Variants in KCNIP4 observed in about 807,000 individuals in gnomAD.
KCNIP4 encodes the protein Kv channel-interacting protein 4.
A neutral mutation model predicts 34.0 loss-of-function variants in KCNIP4; 12 were observed. That is an observed-to-expected ratio of 0.35 (90% confidence interval 0.23 to 0.57). KCNIP4 has a LOEUF of 0.57. Ranked by LOEUF, KCNIP4 falls within the 20% of genes least tolerant of loss-of-function variation. The pLI, the probability that KCNIP4 is intolerant of heterozygous loss-of-function variation, is 0.83. For synonymous variants in KCNIP4, 124 were observed against 102.2 expected (o/e 1.21, Z -1.29); for missense variants, 238 against 311.7 (o/e 0.76, Z 1.78).
At chr4:21,865,313 CA>C (rs796120723) in intron 1 of KCNIP4, among the ~76,000 whole-genome samples, 5,121 of 91,226 alleles carry the variant, frequency 0.056, 286 homozygotes, top group African/African-American at 0.17. Flanking sequence ...CACAAACAAA[CA>C]AAAAAAAAAA....
At chr4:20,731,332 C>G (rs1281754301) in intron 8 of KCNIP4, 1 of 932,434 alleles carries the variant, frequency 1.1e-6, no homozygotes, top group Non-Finnish European at 1.3e-6. Context: ...CCTCAGCCTC[C>G]CATAGTGCTG....
chr4:20,783,673 C>A (rs1242582584), intron 3 of KCNIP4, among the ~76,000 whole-genome samples: 1 of 152,136 alleles, frequency 6.6e-6, no homozygotes, highest in African/African-American at 2.4e-5. Flanking sequence ...TGGGTGGAGA[C>A]ACAGAGCCAT....
At chr4:21,363,600 C>T (rs1719441850) in intron 1 of KCNIP4, among the ~76,000 whole-genome samples, 2 of 152,118 alleles carry the variant, frequency 1.3e-5, no homozygotes. Context: ...TTCAAATTCT[C>T]AGTGGCAAGC....
In KCNIP4 at chr4:21,667,835, T is replaced by C. The variant is rs142351585; in HGVS notation, c.61+280736A>G. On this transcript the variant is annotated intron_variant, in intron 1 of 8. Coordinates refer to ENST00000382152, the MANE Select transcript of KCNIP4 (RefSeq NM_025221.6). ...GGACATTGATGGAAGAAAAGGAAGT[T>C]CTACGGTGGGACAGGCGGTGCAGCA... Among the ~76,000 whole-genome samples, 658 of 152,336 alleles carry C rather than the reference T, an allele frequency of 4.3e-3. 3 individuals are homozygous for C. The highest frequency in any genetic ancestry group is 0.014 in the African/African-American group (570 of 41,578).
At chr4:21,344,555 A>AT (rs1257885870) in intron 1 of KCNIP4, among the ~76,000 whole-genome samples, 1 of 152,134 alleles carries the variant, frequency 6.6e-6, no homozygotes, top group Non-Finnish European at 1.5e-5. Flanking sequence ...AAAAAATGGA[A>AT]TTTATTGTAT....
chr4:20,892,534 C>A (rs1045327712), intron 1 of KCNIP4, among the ~76,000 whole-genome samples: 2 of 152,220 alleles, frequency 1.3e-5, no homozygotes, highest in South Asian at 4.1e-4. Flanking sequence ...TTGTGTCTCT[C>A]CTTTATCTTT....
At chr4:20,758,028 C>A (rs1201355615) in intron 4 of KCNIP4, among the ~76,000 whole-genome samples, 2 of 152,144 alleles carry the variant, frequency 1.3e-5, no homozygotes, top group Admixed American at 1.3e-4. Context: ...GTATAACATT[C>A]TTTTGGGCAG....
At chr4:21,829,435 T>C (rs2109303099) in intron 1 of KCNIP4, among the ~76,000 whole-genome samples, 1 of 152,114 alleles carries the variant, frequency 6.6e-6, no homozygotes, top group African/African-American at 2.4e-5. Context: ...AATGGTAAGG[T>C]ATAAGGGTAA....
chr4:20,863,387 G>A (rs2149497623), intron 2 of KCNIP4, among the ~76,000 whole-genome samples: 1 of 152,254 alleles, frequency 6.6e-6, no homozygotes, highest in Admixed American at 6.5e-5. Context: ...TGCAGGGTCT[G>A]CAAAATATCT....
At chr4:21,559,768 T>C (rs1739369107) in intron 1 of KCNIP4, among the ~76,000 whole-genome samples, 1 of 152,080 alleles carries the variant, frequency 6.6e-6, no homozygotes, top group South Asian at 2.1e-4. Flanking sequence ...GTATTATTAG[T>C]CGATGGTTCC....
intron 1 of KCNIP4, among the ~76,000 whole-genome samples, chr4:20,911,106 T>C (rs955512382): frequency 6.6e-6 from 1 of 152,176 alleles, no homozygotes; most frequent in Non-Finnish European, 1.5e-5. Flanking sequence ...GAAACAAATC[T>C]AGTTTGTTTT....
chr4:20,876,974 C>T (rs1282134461), intron 2 of KCNIP4, among the ~76,000 whole-genome samples: 1 of 152,190 alleles, frequency 6.6e-6, no homozygotes, highest in East Asian at 1.9e-4. Flanking sequence ...CAACACCTGG[C>T]TCCTAAGATC....
At chr4:21,836,234 A>T (rs145291432) in intron 1 of KCNIP4, among the ~76,000 whole-genome samples, 4 of 152,188 alleles carry the variant, frequency 2.6e-5, no homozygotes, top group African/African-American at 7.2e-5. Flanking sequence ...TTAAATTACA[A>T]AGAGAAATAA....
chr4:20,739,095 C>G (rs1750426610), intron 5 of KCNIP4, among the ~76,000 whole-genome samples: 1 of 152,210 alleles, frequency 6.6e-6, no homozygotes, highest in African/African-American at 2.4e-5. Flanking sequence ...GAAGCTCAAA[C>G]TAGGTGGAGC....
chr4:21,571,211 C>G (rs1381056277), intron 1 of KCNIP4, among the ~76,000 whole-genome samples: 1 of 152,114 alleles, frequency 6.6e-6, no homozygotes, highest in Non-Finnish European at 1.5e-5. Context: ...TCTGAGATGA[C>G]AGGCTGAGCA....
At chr4:21,156,957 C>T (rs1338025492) in intron 1 of KCNIP4, among the ~76,000 whole-genome samples, 1 of 151,922 alleles carries the variant, frequency 6.6e-6, no homozygotes, top group Non-Finnish European at 1.5e-5. Context: ...ATATTTTGTT[C>T]CAAGTTTAAC....
chr4:21,309,035 C>T (rs916336622), intron 1 of KCNIP4, among the ~76,000 whole-genome samples: 1 of 152,106 alleles, frequency 6.6e-6, no homozygotes, highest in African/African-American at 2.4e-5. Flanking sequence ...TCAAAATCAC[C>T]AGTTAACTCA....
At chr4:21,233,642 G>A (rs1758960635) in intron 1 of KCNIP4, among the ~76,000 whole-genome samples, 1 of 151,720 alleles carries the variant, frequency 6.6e-6, no homozygotes, top group African/African-American at 2.4e-5. Flanking sequence ...TTCTTTCTCA[G>A]TCTGTTCATC....
In KCNIP4 at chr4:20,842,552, G is replaced by A. The variant is rs536663107; in HGVS notation, c.288+7991C>T. ...CAAGAAATATTTGTTGGATGAGCAT[G>A]TAAGGCAATTGAGTCTCTCTTCTAA... On this transcript the variant is annotated intron_variant, in intron 3 of 8. Coordinates refer to ENST00000382152, the MANE Select transcript of KCNIP4 (RefSeq NM_025221.6). Among the ~76,000 whole-genome samples, 15 of 122,270 alleles carry A rather than the reference G, an allele frequency of 1.2e-4. No homozygotes were observed. The South Asian group carries it at 3.6e-3, about 30-fold the overall frequency. 80.2% of individuals were successfully genotyped at this position (122,270 alleles called of 152,430 possible). A position where few individuals can be genotyped will look rare whatever the true frequency, so the allele number is the denominator to read the frequency against.
Sources: allele counts gnomAD v4.1 joint callset (sites outside exome capture counted in the v4.1 genomes callset), GRCh38; gene constraint gnomAD v4.1.1; transcripts MANE v1.5; gene names NCBI Gene and HGNC (gene_info 2026-07-23, HGNC 2026-07-21).